The following GRIA3 variants were observed in gnomAD, a reference collection of about 807,000 sequenced individuals.
GRIA3 encodes glutamate receptor 3.
In GRIA3, 3 loss-of-function variants were observed where a neutral mutation model predicts 63.0. The ratio of observed to expected loss-of-function variants is 0.05; its 90% confidence interval spans 0.02 to 0.12. GRIA3 has a LOEUF of 0.12. Among genes scored for constraint, GRIA3 ranks in the 10% least tolerant of loss-of-function variants. The pLI is 1.00. For missense variants in GRIA3, 347 were observed against 700.9 expected, an observed-to-expected ratio of 0.50 and a Z score of 5.70; for synonymous variants, 274 against 257.9, an observed-to-expected ratio of 1.06 and a Z score of -0.60.
chrX:123,252,284 A>C (rs183118665), intron 2 of GRIA3, among the ~76,000 whole-genome samples: 82 of 112,337 alleles, frequency 7.3e-4, no homozygotes, highest in African/African-American at 2.5e-3. Context: ...TAAACTTAAC[A>C]GTGGTATTTA....
chrX:123,256,199 C>T (rs1268351322), intron 3 of GRIA3, among the ~76,000 whole-genome samples: 1 of 111,589 alleles, frequency 9.0e-6, no homozygotes, highest in African/African-American at 3.3e-5. Context: ...CTTCCTTGAC[C>T]ACTCTAGCTC....
chrX:123,369,251 A>C (rs1389100136), intron 5 of GRIA3, among the ~76,000 whole-genome samples: 2 of 112,325 alleles, frequency 1.8e-5, no homozygotes, highest in Non-Finnish European at 3.8e-5. Flanking sequence ...GCAACATGCT[A>C]TGAGCAAGAA....
rs777340220 is a variant in GRIA3, at chrX:123,263,360, A to T, written c.508+9818A>T. On this transcript the variant is annotated intron_variant, in intron 3 of 15. Coordinates refer to ENST00000620443, the MANE Select transcript of GRIA3 (RefSeq NM_007325.5). ...ACTACTTCACTCCCTGTCTTCCTGGATCCTTTCCAATCAATAGGTTGCCAG... is the reference window on the plus strand; with the variant it reads ...ACTACTTCACTCCCTGTCTTCCTGGTTCCTTTCCAATCAATAGGTTGCCAG... Among the ~76,000 whole-genome samples, 28 of 112,365 alleles carry T rather than the reference A, an allele frequency of 2.5e-4. 1 individual carries two copies. The South Asian group carries it at 9.4e-3, about 38-fold the overall frequency.
intron 4 of GRIA3, among the ~76,000 whole-genome samples, chrX:123,327,180 T>C (rs1191795767): frequency 9.0e-6 from 1 of 111,225 alleles, no homozygotes; most frequent in Non-Finnish European, 1.9e-5. Context: ...AGAAGTGGCA[T>C]ATGAGAAAAA....
chrX:123,251,363 A>G (rs1454757861), intron 2 of GRIA3, among the ~76,000 whole-genome samples: 1 of 111,950 alleles, frequency 8.9e-6, no homozygotes, highest in Non-Finnish European at 1.9e-5. Context: ...GTTTCTGAGT[A>G]TTGTACTCCC....
chrX:123,456,361 A>G (rs148835470), intron 12 of GRIA3, among the ~76,000 whole-genome samples: 299 of 111,468 alleles, frequency 2.7e-3, no homozygotes, highest in South Asian at 0.018. Flanking sequence ...TCCTGCTTCT[A>G]GTCATGACAA....
chrX:123,457,421 A>G (rs376517851), intron 12 of GRIA3, among the ~76,000 whole-genome samples: 1 of 111,978 alleles, frequency 8.9e-6, no homozygotes, highest in East Asian at 2.8e-4. Flanking sequence ...CCCCTTTGAC[A>G]TGTATGTACA....
chrX:123,376,869 C>T (rs369786902), intron 5 of GRIA3, among the ~76,000 whole-genome samples: 1 of 104,897 alleles, frequency 9.5e-6, no homozygotes, highest in Admixed American at 1.0e-4. Flanking sequence ...CAACTCCTGC[C>T]CTTTTACAAA....
At chrX:123,330,617 G>C (rs1461250884) in intron 4 of GRIA3, among the ~76,000 whole-genome samples, 1 of 111,936 alleles carries the variant, frequency 8.9e-6, no homozygotes, top group Non-Finnish European at 1.9e-5. Flanking sequence ...CCTGGTGAAA[G>C]AGAGCCAAGA....
intron 12 of GRIA3, among the ~76,000 whole-genome samples, chrX:123,464,552 T>C (rs968085006): frequency 2.7e-5 from 3 of 111,340 alleles, no homozygotes; most frequent in African/African-American, 9.8e-5. Context: ...ACTAACAAAG[T>C]GTTTTTCAAA....
In GRIA3 at chrX:123,476,060, A is replaced by T. The variant is rs2045885632; in HGVS notation, c.2325-4003A>T. Among the ~76,000 whole-genome samples the T allele has an allele frequency of 2.7e-5, 3 of 111,801 alleles. No homozygotes were observed. In the Admixed American group the frequency reaches 2.9e-4, roughly 11 times the overall value. On this transcript the variant is annotated intron_variant, in intron 13 of 15. Transcript: ENST00000620443. ...CTGAACAATAATTATAATCATAATA[A>T]TAAGTATGTAAATATACTAGATTGA...
chrX:123,376,510 T>C (rs2045285454), intron 5 of GRIA3, among the ~76,000 whole-genome samples: 1 of 112,291 alleles, frequency 8.9e-6, no homozygotes, highest in Admixed American at 9.5e-5. Context: ...CATATCATGA[T>C]AGAATCTGGG....
chrX:123,336,973 G>A (rs901494500), intron 4 of GRIA3, among the ~76,000 whole-genome samples: 3 of 112,001 alleles, frequency 2.7e-5, no homozygotes, highest in Non-Finnish European at 5.6e-5. Context: ...TCTTAAGGGG[G>A]AGAAAATGAA....
chrX:123,431,407 A>C (rs1444174324), intron 12 of GRIA3, among the ~76,000 whole-genome samples: 1 of 112,146 alleles, frequency 8.9e-6, no homozygotes, highest in African/African-American at 3.2e-5. Context: ...AGTGGAACAG[A>C]GGGACCTGTT....
chrX:123,238,775 G>A (rs779066038), intron 2 of GRIA3, among the ~76,000 whole-genome samples: 11 of 109,478 alleles, frequency 1.0e-4, no homozygotes, highest in Non-Finnish European at 2.1e-4. Flanking sequence ...CATAGACTCT[G>A]GCCTGGAACA....
rs753931960 is a variant in GRIA3, at chrX:123,308,294, A to C, written c.509-17732A>C. ...CTTGTTAAAATGTACATTCTGGTTC[A>C]TTAAGTCTAGAGTGGGGCCCAAGAG... is the stretch of plus-strand genomic sequence containing the variant. On this transcript the variant is annotated intron_variant, in intron 3 of 15. Transcript: ENST00000620443. Among the ~76,000 whole-genome samples, 12 of 112,163 alleles carry C rather than the reference A, an allele frequency of 1.1e-4. No homozygotes were observed. In the East Asian group the frequency reaches 3.1e-3, roughly 29 times the overall value.
intron 3 of GRIA3, among the ~76,000 whole-genome samples, chrX:123,311,732 C>A (rs767600225): frequency 1.2e-4 from 13 of 112,188 alleles, no homozygotes; most frequent in African/African-American, 3.9e-4. Flanking sequence ...CACTGACTTA[C>A]AATTGATTGC....
intron 3 of GRIA3, among the ~76,000 whole-genome samples, chrX:123,302,085 A>G (rs1217456997): frequency 1.8e-5 from 2 of 112,197 alleles, no homozygotes; most frequent in Non-Finnish European, 3.8e-5. Context: ...CTGGTATTTA[A>G]GAAATGGTGT....
chrX:123,279,460 T>C (rs908877514), intron 3 of GRIA3, among the ~76,000 whole-genome samples: 8 of 112,310 alleles, frequency 7.1e-5, no homozygotes, highest in African/African-American at 2.6e-4. Flanking sequence ...AACATCATGT[T>C]GTACACAATA....
Sources: gnomAD v4.1 joint callset for allele counts (sites outside exome capture counted in the v4.1 genomes callset) on GRCh38, gnomAD v4.1.1 for gene constraint, MANE v1.5 for transcripts, NCBI Gene and HGNC (gene_info 2026-07-23, HGNC 2026-07-21) for gene names.